Variants in RPRD2 observed in about 807,000 individuals in gnomAD.
RPRD2 encodes the protein regulation of nuclear pre-mRNA domain containing 2.
RPRD2 carries 12 observed loss-of-function variants against 104.4 expected under a neutral mutation model. The ratio of observed to expected loss-of-function variants is 0.11; its 90% confidence interval spans 0.07 to 0.19. RPRD2 has a LOEUF of 0.19. Among genes scored for constraint, RPRD2 ranks in the 10% least tolerant of loss-of-function variants. The pLI is 1.00. For synonymous variants in RPRD2, 714 were observed against 684.9 expected, an observed-to-expected ratio of 1.04 and a Z score of -0.66; for missense variants, 1,543 against 1,790.1, an observed-to-expected ratio of 0.86 and a Z score of 2.49.
chr1:150,472,991 A>G lies in RPRD2; in HGVS notation c.4043A>G (p.Asp1348Gly). Residue 1348 changes from aspartate (D) to glycine (G), a missense_variant, in exon 11 of 11, where the codon GAC (aspartate) becomes GGC (glycine). Around this residue, in one of 4 missense-constraint regions of RPRD2, gnomAD observed 880 missense variants for 885.6 expected, o/e 0.99. Transcript: ENST00000369068. ...TTTGGGGTACTCCCAGGACCCAGGGACCACGGGGGCCCCACCCAACGGGAC... is the reference window on the plus strand; with the variant it reads ...TTTGGGGTACTCCCAGGACCCAGGGGCCACGGGGGCCCCACCCAACGGGAC... ...EHFGVLPGPRDHGGPTQRDLN... is the reference protein window; with the variant it reads ...EHFGVLPGPRGHGGPTQRDLN... The G allele has an allele frequency of 6.2e-7, 1 of 1,613,984 alleles. No individual in the cohort carries two copies. Among genetic ancestry groups the G allele is most frequent in the Non-Finnish European group, 8.5e-7 (1 of 1,179,884 alleles).
chr1:150,471,879 G>C lies in RPRD2; in HGVS notation c.2931G>C (p.Pro977=). 1 of 1,613,814 alleles carries C rather than the reference G, an allele frequency of 6.2e-7. No individual in the cohort carries two copies. The highest frequency in any genetic ancestry group is 8.5e-7 in the Non-Finnish European group (1 of 1,179,860). Residue 977 remains proline, a synonymous_variant, in exon 11 of 11, where the codon CCG becomes CCC. Coordinates refer to ENST00000369068, the MANE Select transcript of RPRD2 (RefSeq NM_015203.5). This position sits in a 1 kb window ranked among gnomAD's most constrained non-coding sequence, Gnocchi z 5.3. ...TCCCACATCGTTCCCTTTTCTCTCC[G>C]CAGAACACCCTTGCCGCTCCCACGG... ...HPVPHRSLFS[P]QNTLAAPTGH... is the part of the protein sequence containing the mutation.
chr1:150,465,371 G>A (rs1668198691), intron 10 of RPRD2, among the ~76,000 whole-genome samples: 2 of 152,266 alleles, frequency 1.3e-5, no homozygotes, highest in Middle Eastern at 3.4e-3. Context: ...ACCCACCTCA[G>A]CCTCCCAAAG....
intron 7 of RPRD2, among the ~76,000 whole-genome samples, chr1:150,453,564 A>G (rs1364339187): frequency 6.6e-6 from 1 of 152,208 alleles, no homozygotes; most frequent in Non-Finnish European, 1.5e-5. Context: ...GAAGGGAAAG[A>G]AATTTTTCAC....
At chr1:150,464,430 C>A in intron 9 of RPRD2, 97 bp from the exon 10 acceptor site, 8 of 816,190 alleles carry the variant, frequency 9.8e-6, no homozygotes, top group East Asian at 3.1e-5. Flanking sequence ...CAGAAGAATT[C>A]CTGTTAAATA....
At chr1:150,403,388 C>A (rs1663210971) in intron 1 of RPRD2, among the ~76,000 whole-genome samples, 1 of 152,126 alleles carries the variant, frequency 6.6e-6, no homozygotes, top group South Asian at 2.1e-4. Flanking sequence ...GTCTCACTTT[C>A]CAGACTGAAC....
chr1:150,441,113 T>A (rs1553894349), intron 3 of RPRD2, 90 bp downstream of exon 3: 1 of 621,278 alleles, frequency 1.6e-6, no homozygotes, highest in African/African-American at 1.9e-5. Flanking sequence ...TGTATAATAG[T>A]GAAAAATTAA....
chr1:150,470,666 T>C lies in RPRD2; in HGVS notation c.1718T>C (p.Ile573Thr), dbSNP rs749333499. ...ASPANTTVST[I>T]KGRNLPSSAQ... ...CCTGCCAACACCACAGTCTCTACCA[T>C]AAAGGGAAGAAATCTGCCCTCCAGT... Residue 573 changes from isoleucine (I) to threonine (T), a missense_variant, in exon 11 of 11, where the codon ATA becomes ACA. By Grantham distance (89) the Ile-to-Thr change is moderately conservative. This residue lies in a region of RPRD2 where 572 missense variants were observed against 787.3 expected (regional missense o/e 0.73). Coordinates refer to ENST00000369068, the MANE Select transcript of RPRD2 (RefSeq NM_015203.5). 6.8e-6 allele frequency: 11 copies of C among 1,613,890 alleles called. No individual in the cohort carries two copies. The highest frequency in any genetic ancestry group is 7.6e-6 in the Non-Finnish European group (9 of 1,179,896).
intron 2 of RPRD2, among the ~76,000 whole-genome samples, chr1:150,420,629 C>T (rs1166315678): frequency 6.6e-6 from 1 of 152,118 alleles, no homozygotes; most frequent in Non-Finnish European, 1.5e-5. Flanking sequence ...AGTTCAAGAC[C>T]AGCCTGGCCA....
chr1:150,427,472 CAAA>C (rs111542386), intron 2 of RPRD2, among the ~76,000 whole-genome samples: 7 of 125,638 alleles, frequency 5.6e-5, no homozygotes, highest in Admixed American at 1.8e-4. Context: ...GACTCTATCT[CAAA>C]AAAAAAAAAA....
chr1:150,443,400 C>A, intron 5 of RPRD2, 117 bp downstream of exon 5: 1 of 735,930 alleles, frequency 1.4e-6, no homozygotes, highest in Non-Finnish European at 2.2e-6. Context: ...ATGTTTTAAA[C>A]ATGCATGAAC....
intron 2 of RPRD2, among the ~76,000 whole-genome samples, chr1:150,436,616 T>C (rs1666014783): frequency 7.9e-6 from 1 of 126,190 alleles, no homozygotes; most frequent in African/African-American, 3.0e-5. Flanking sequence ...AAAAAAGAAA[T>C]ACAGGGCTGG....
intron 3 of RPRD2, 96 bp from the exon 4 acceptor site, chr1:150,441,785 G>T: frequency 1.4e-6 from 1 of 708,200 alleles, no homozygotes; most frequent in South Asian, 1.8e-5. Flanking sequence ...ACACAGTCTC[G>T]GATTGCCTTT....
intron 9 of RPRD2, among the ~76,000 whole-genome samples, chr1:150,461,697 A>G (rs1461094508): frequency 2.6e-5 from 4 of 151,738 alleles, no homozygotes; most frequent in East Asian, 1.9e-4. Flanking sequence ...AACAAAAATT[A>G]TGGCCGAGCG....
At chr1:150,436,843 C>T (rs1324416939) in intron 2 of RPRD2, among the ~76,000 whole-genome samples, 15 of 151,102 alleles carry the variant, frequency 9.9e-5, no homozygotes, top group Non-Finnish European at 2.2e-4. Flanking sequence ...AGGCAGAGGT[C>T]GCAGTGAGCT....
Position 150,364,240 on chromosome 1 carries a change from A to G in RPRD2, c.-475A>G, listed in dbSNP as rs1553876677. Among the ~76,000 whole-genome samples the G allele has an allele frequency of 6.6e-6, 1 of 152,178 alleles. No individual in the cohort carries two copies. The highest frequency in any genetic ancestry group is 1.5e-5 in the Non-Finnish European group (1 of 68,034). On this transcript the variant is annotated 5_prime_UTR_variant, in exon 1 of 11. Coordinates refer to ENST00000369068, the MANE Select transcript of RPRD2 (RefSeq NM_015203.5). ...CTGTGCTAGCGAGTCTAAAGGAAAG[A>G]AAGATTTCTGCAACTGAAGGGGCAG...
chr1:150,380,943 C>T (rs181431968), intron 1 of RPRD2, among the ~76,000 whole-genome samples: 38 of 152,288 alleles, frequency 2.5e-4, no homozygotes, highest in Non-Finnish European at 5.0e-4. Flanking sequence ...GCGTGAAGCA[C>T]GCCTGGCCTT....
Position 150,460,228 on chromosome 1 carries a change from C to T in RPRD2, c.1322C>T (p.Pro441Leu). The T allele has an allele frequency of 1.2e-6, 2 of 1,613,856 alleles. No homozygotes were observed. The highest frequency in any genetic ancestry group is 1.7e-6 in the Non-Finnish European group (2 of 1,179,856). Reference protein sequence around the residue: ...KPVNTSLSPSPALALPNLANV... With the variant: ...KPVNTSLSPSLALALPNLANV... ...GTGAATACTTCTCTTTCCCCTTCCCCAGCATTGGCTTTGCCAAACCTGGCT... is the reference window on the plus strand; with the variant it reads ...GTGAATACTTCTCTTTCCCCTTCCCTAGCATTGGCTTTGCCAAACCTGGCT... The change falls in exon 9 of 11, where the codon CCA becomes CTA. Residue 441 changes from proline to leucine, a missense_variant. Transcript: ENST00000369068.
intron 2 of RPRD2, among the ~76,000 whole-genome samples, chr1:150,435,094 A>G (rs587604296): frequency 4.6e-5 from 7 of 152,210 alleles, no homozygotes; most frequent in Admixed American, 2.0e-4. Context: ...TTTTTATTGT[A>G]TCTGTTATGG....
intron 1 of RPRD2, among the ~76,000 whole-genome samples, chr1:150,402,430 C>G (rs1383727890): frequency 6.6e-6 from 1 of 152,058 alleles, no homozygotes; most frequent in Non-Finnish European, 1.5e-5. Context: ...GTAATCCCAG[C>G]ATTTTGGGAC....
Sources: allele counts gnomAD v4.1 joint callset (sites outside exome capture counted in the v4.1 genomes callset), GRCh38; gene constraint gnomAD v4.1.1; regional missense constraint gnomAD v4.1.1; non-coding constraint Gnocchi (gnomAD v3.1); transcripts MANE v1.5; gene names NCBI Gene and HGNC (gene_info 2026-07-23, HGNC 2026-07-21).